The following ENOX1 variants were observed in gnomAD, a reference collection of about 807,000 sequenced individuals.
ENOX1 encodes the protein ecto-NOX disulfide-thiol exchanger 1, also known as candidate growth-related and time keeping constitutive hydroquinone (NADH) oxidase.
A neutral mutation model predicts 82.5 loss-of-function variants in ENOX1; 42 were observed. That is an observed-to-expected ratio of 0.51 (90% CI 0.40 to 0.66). The LOEUF is 0.66. Ranked by LOEUF, ENOX1 falls within the 30% of genes least tolerant of loss-of-function variation. ENOX1 has a pLI of 0.00. For missense variants in ENOX1, 608 were observed against 811.6 expected, an observed-to-expected ratio of 0.75 and a Z score of 3.05; for synonymous variants, 271 against 282.2, an observed-to-expected ratio of 0.96 and a Z score of 0.40.
intron 2 of ENOX1, among the ~76,000 whole-genome samples, chr13:43,560,365 T>A (rs2079617250): frequency 6.6e-6 from 1 of 152,174 alleles, no homozygotes; most frequent in Admixed American, 6.5e-5. Flanking sequence ...TCTCCAAAAA[T>A]TATTATTCCA....
At chr13:43,666,281 C>T (rs12100382) in intron 2 of ENOX1, among the ~76,000 whole-genome samples, 3,628 of 152,178 alleles carry the variant, frequency 0.024, 51 homozygotes, top group African/African-American at 0.041. Flanking sequence ...TATGCCTGTA[C>T]CCCTATAGTG....
At chr13:43,558,066 G>A (rs1407526695) in intron 2 of ENOX1, among the ~76,000 whole-genome samples, 6 of 152,126 alleles carry the variant, frequency 3.9e-5, no homozygotes, top group African/African-American at 1.4e-4. Flanking sequence ...TGCACCATGA[G>A]TACATGCTAC....
chr13:43,729,441 C>T (rs200191366), intron 1 of ENOX1, among the ~76,000 whole-genome samples: 3 of 151,656 alleles, frequency 2.0e-5, no homozygotes, highest in East Asian at 3.8e-4. Flanking sequence ...AATTCATATA[C>T]GACAGACAAA....
intron 3 of ENOX1, among the ~76,000 whole-genome samples, chr13:43,461,986 A>T (rs1206386043): frequency 6.6e-6 from 1 of 152,236 alleles, no homozygotes; most frequent in Non-Finnish European, 1.5e-5. Flanking sequence ...TGTAATGTGG[A>T]GAACAAGCCA....
chr13:43,552,312 T>G (rs1370803247), intron 2 of ENOX1, among the ~76,000 whole-genome samples: 1 of 149,918 alleles, frequency 6.7e-6, no homozygotes, highest in Non-Finnish European at 1.5e-5. Context: ...AAACAGTACT[T>G]CATAAGATAT....
chr13:43,295,423 G>T (rs1383842878), intron 12 of ENOX1, among the ~76,000 whole-genome samples: 1 of 152,188 alleles, frequency 6.6e-6, no homozygotes. Flanking sequence ...TCCATGTTAG[G>T]AACCCTGCCC....
intron 3 of ENOX1, among the ~76,000 whole-genome samples, chr13:43,424,492 G>A (rs2055168236): frequency 6.6e-6 from 1 of 152,168 alleles, no homozygotes; most frequent in Non-Finnish European, 1.5e-5. Context: ...AGACCAGCCT[G>A]AGCCAGTTGC....
intron 3 of ENOX1, among the ~76,000 whole-genome samples, chr13:43,481,069 G>A (rs533471970): frequency 6.6e-6 from 1 of 152,168 alleles, no homozygotes; most frequent in African/African-American, 2.4e-5. Context: ...CCTGATGAAT[G>A]TAAGTGCAAA....
intron 2 of ENOX1, among the ~76,000 whole-genome samples, chr13:43,561,113 A>G (rs938568003): frequency 6.6e-6 from 1 of 152,162 alleles, no homozygotes; most frequent in Non-Finnish European, 1.5e-5. Flanking sequence ...TTGATAAAAT[A>G]ATTCAGCAAA....
At chr13:43,576,346 C>T (rs1477319440) in intron 2 of ENOX1, among the ~76,000 whole-genome samples, 1 of 152,232 alleles carries the variant, frequency 6.6e-6, no homozygotes, top group Non-Finnish European at 1.5e-5. Flanking sequence ...CTTCCCACAG[C>T]TGACGAGGAA....
rs192542264 is a variant in ENOX1 at position 43,728,384 on chromosome 13, C to A, written c.-285+58268G>T. Among the ~76,000 whole-genome samples the A allele has an allele frequency of 7.5e-4, 114 of 152,298 alleles. 1 individual carries two copies. Among genetic ancestry groups the A allele is most frequent in the Middle Eastern group, 3.4e-3 (1 of 294 alleles). Reference sequence around the variant, plus strand: ...TGAGGGGAGAAAAAACCATTTATTTCTTTCCATATCATACCCATTTTCCAG... The same window carrying A: ...TGAGGGGAGAAAAAACCATTTATTTATTTCCATATCATACCCATTTTCCAG... On this transcript the variant is annotated intron_variant, in intron 1 of 16. Coordinates refer to ENST00000690772, the MANE Select transcript of ENOX1 (RefSeq NM_001347969.2).
intron 14 of ENOX1, among the ~76,000 whole-genome samples, chr13:43,264,749 T>A (rs978785299): frequency 6.6e-6 from 1 of 152,206 alleles, no homozygotes; most frequent in African/African-American, 2.4e-5. Flanking sequence ...GGCAATGATC[T>A]ACAGGGTATA....
intron 1 of ENOX1, among the ~76,000 whole-genome samples, chr13:43,754,190 TATAC>T (rs1476770422): frequency 1.5e-5 from 2 of 130,610 alleles, no homozygotes; most frequent in South Asian, 5.2e-4. Flanking sequence ...TGTATGTATA[TATAC>T]ATATGTATAT....
At chr13:43,470,320 A>ATATATATACGTATATATACACG (rs1566306392) in intron 3 of ENOX1, among the ~76,000 whole-genome samples, 1 of 43,524 alleles carries the variant, frequency 2.3e-5, no homozygotes, top group Admixed American at 2.3e-4. Context: ...ATATATACAC[A>ATATATATACGTATATATACACG]TATATATATG....
At chr13:43,233,081 C>T (rs771829422) in intron 15 of ENOX1, among the ~76,000 whole-genome samples, 3 of 152,118 alleles carry the variant, frequency 2.0e-5, no homozygotes, top group Non-Finnish European at 4.4e-5. Context: ...AACATGCAGG[C>T]CATATGTGAA....
chr13:43,719,803 T>A (rs2088443327), intron 1 of ENOX1, among the ~76,000 whole-genome samples: 1 of 152,126 alleles, frequency 6.6e-6, no homozygotes, highest in Non-Finnish European at 1.5e-5. Flanking sequence ...GCACCCAAGC[T>A]CTAGCCTGTC....
intron 1 of ENOX1, among the ~76,000 whole-genome samples, chr13:43,777,762 C>G (rs967963981): frequency 2.6e-5 from 4 of 151,886 alleles, no homozygotes; most frequent in African/African-American, 9.7e-5. Context: ...GTTGGTCTGG[C>G]TGGTCTCGAA....
At chr13:43,329,257 T>C (rs1396225185) in intron 9 of ENOX1, among the ~76,000 whole-genome samples, 1 of 152,090 alleles carries the variant, frequency 6.6e-6, no homozygotes, top group East Asian at 1.9e-4. Context: ...GAACTTTATA[T>C]TGTAGGATTG....
chr13:43,319,390 A>G (rs2047684909), intron 11 of ENOX1, among the ~76,000 whole-genome samples: 2 of 152,232 alleles, frequency 1.3e-5, no homozygotes, highest in African/African-American at 2.4e-5. Context: ...ATTATTATAT[A>G]TGGTAAAAAG....
Sources: allele counts gnomAD v4.1 joint callset (sites outside exome capture counted in the v4.1 genomes callset), GRCh38; gene constraint gnomAD v4.1.1; transcripts MANE v1.5; gene names NCBI Gene and HGNC (gene_info 2026-07-23, HGNC 2026-07-21).